STX8: variants seen among roughly 807,000 people sequenced by gnomAD.
STX8 encodes syntaxin 8, also known as syntaxin-8.
In STX8, 23 loss-of-function variants were observed where a neutral mutation model predicts 37.5. The ratio of observed to expected loss-of-function variants is 0.61; its 90% CI spans 0.44 to 0.87. The LOEUF (loss-of-function observed/expected upper bound fraction) is 0.87, where lower values mean the gene tolerates loss of function less well. Ranked by LOEUF, STX8 falls within the 40% of genes least tolerant of loss-of-function variation. The pLI is 0.00. For missense variants in STX8, 313 were observed against 284.7 expected (o/e 1.10, Z -0.71); for synonymous variants, 115 against 99.1 (o/e 1.16, Z -0.95).
intron 4 of STX8, among the ~76,000 whole-genome samples, chr17:9,544,470 T>C (rs1432598680): frequency 1.3e-5 from 2 of 151,620 alleles, no homozygotes; most frequent in African/African-American, 4.9e-5. Context: ...CCCGGACCAG[T>C]CTTATTAGGA....
chr17:9,315,027 G>A lies in STX8; in HGVS notation c.643+63525C>T, dbSNP rs184314359. Among the ~76,000 whole-genome samples the A allele has an allele frequency of 2.4e-3, 369 of 150,844 alleles. 3 individuals carry two copies. Among genetic ancestry groups the A allele is most frequent in the African/African-American group, 8.0e-3 (329 of 41,086 alleles). On this transcript the variant is annotated intron_variant, in intron 7 of 7. Transcript: ENST00000306357. ...TGAGGCAGGAGAATCGCTTGAATCC[G>A]GGAGGTGGAGTTTGCAGTCAGCCGA...
intron 4 of STX8, among the ~76,000 whole-genome samples, chr17:9,514,143 A>C (rs181016594): frequency 1.6e-4 from 25 of 152,308 alleles, no homozygotes; most frequent in African/African-American, 5.1e-4. Flanking sequence ...TTAACAATAA[A>C]GTCTCCAGTA....
At chr17:9,437,827 G>A (rs1289301293) in intron 6 of STX8, 1 of 152,158 alleles carries the variant, frequency 6.6e-6, no homozygotes, top group African/African-American at 2.4e-5. Context: ...TCTCTTAGAC[G>A]CCTCTGTTTG....
At chr17:9,530,270 C>T (rs1372031250) in intron 4 of STX8, among the ~76,000 whole-genome samples, 1 of 149,354 alleles carries the variant, frequency 6.7e-6, no homozygotes, top group Admixed American at 6.7e-5. Context: ...GAGATCGCGC[C>T]ACTGCACCCC....
chr17:9,414,320 CT>C (rs566661899), intron 6 of STX8, among the ~76,000 whole-genome samples: 43 of 145,528 alleles, frequency 3.0e-4, no homozygotes, highest in East Asian at 6.0e-4. Context: ...TGGTGCAGAA[CT>C]TTTTTTTTTT....
At chr17:9,519,228 C>A in intron 4 of STX8, among the ~76,000 whole-genome samples, 1 of 152,166 alleles carries the variant, frequency 6.6e-6, no homozygotes, top group East Asian at 1.9e-4. Context: ...ATTTAAAAAT[C>A]TCCAACTGGG....
intron 6 of STX8, among the ~76,000 whole-genome samples, chr17:9,387,714 C>T (rs572585592): frequency 1.3e-5 from 2 of 152,286 alleles, no homozygotes; most frequent in Admixed American, 6.5e-5. Flanking sequence ...CTCACGCAAC[C>T]GAATACAATC....
chr17:9,419,050 A>C (rs984812801), intron 6 of STX8, among the ~76,000 whole-genome samples: 1 of 150,874 alleles, frequency 6.6e-6, no homozygotes, highest in Non-Finnish European at 1.5e-5. Context: ...CAGCCTCCTT[A>C]GTAGCTGGGA....
intron 6 of STX8, among the ~76,000 whole-genome samples, chr17:9,440,895 C>G (rs7207091): frequency 6.6e-6 from 1 of 151,922 alleles, no homozygotes; most frequent in Non-Finnish European, 1.5e-5. Flanking sequence ...CTTGAAATGC[C>G]GGCTCCATAT....
intron 7 of STX8, among the ~76,000 whole-genome samples, chr17:9,260,351 C>T (rs901724730): frequency 1.1e-4 from 16 of 150,166 alleles, no homozygotes; most frequent in Non-Finnish European, 1.3e-4. Flanking sequence ...AGGCCGGGCG[C>T]GGTGGCTCAC....
intron 6 of STX8, among the ~76,000 whole-genome samples, chr17:9,453,407 T>C (rs1489316102): frequency 6.6e-6 from 1 of 151,994 alleles, no homozygotes; most frequent in Non-Finnish European, 1.5e-5. Flanking sequence ...ATACCTACCA[T>C]ATTCAGATCT....
At chr17:9,286,274 G>A (rs774939189) in intron 7 of STX8, among the ~76,000 whole-genome samples, 1 of 152,186 alleles carries the variant, frequency 6.6e-6, no homozygotes, top group Non-Finnish European at 1.5e-5. Context: ...AAAGAGAGTA[G>A]GAAGGGCATA....
At chr17:9,526,202 C>T (rs111475256) in intron 4 of STX8, among the ~76,000 whole-genome samples, 1 of 152,166 alleles carries the variant, frequency 6.6e-6, no homozygotes, top group Non-Finnish European at 1.5e-5. Flanking sequence ...AAACCCAGGG[C>T]AAAGGATGAG....
chr17:9,318,173 C>A (rs1352512382), intron 7 of STX8, among the ~76,000 whole-genome samples: 3 of 152,114 alleles, frequency 2.0e-5, no homozygotes, highest in African/African-American at 4.8e-5. Flanking sequence ...GCACAACGTG[C>A]AGGTATGTTA....
chr17:9,572,121 A>G (rs1907711639), intron 1 of STX8, among the ~76,000 whole-genome samples: 1 of 152,234 alleles, frequency 6.6e-6, no homozygotes, highest in African/African-American at 2.4e-5. Context: ...CAATCAGGAT[A>G]TAAAACTATT....
chr17:9,493,786 A>G (rs1254725537), intron 5 of STX8, among the ~76,000 whole-genome samples: 1 of 152,198 alleles, frequency 6.6e-6, no homozygotes, highest in African/African-American at 2.4e-5. Context: ...TTAATAATTT[A>G]CATTCAACTT....
At chr17:9,514,318 T>C (rs998941472) in intron 4 of STX8, among the ~76,000 whole-genome samples, 4 of 152,074 alleles carry the variant, frequency 2.6e-5, no homozygotes, top group African/African-American at 4.8e-5. Context: ...TAAAACAAAA[T>C]GATAGGCTGG....
chr17:9,348,652 C>T (rs947596175), intron 7 of STX8, among the ~76,000 whole-genome samples: 4 of 152,174 alleles, frequency 2.6e-5, no homozygotes, highest in Admixed American at 6.6e-5. Flanking sequence ...TTGCAAGACA[C>T]AGTCCCTGCA....
chr17:9,268,009 A>G (rs921882325), intron 7 of STX8, among the ~76,000 whole-genome samples: 2 of 152,034 alleles, frequency 1.3e-5, no homozygotes, highest in Admixed American at 1.3e-4. Flanking sequence ...AAAAAAAAAA[A>G]AAAAAGCTTA....
Sources: gnomAD v4.1 joint callset for allele counts (sites outside exome capture counted in the v4.1 genomes callset) on GRCh38, gnomAD v4.1.1 for gene constraint, MANE v1.5 for transcripts, NCBI Gene and HGNC (gene_info 2026-07-23, HGNC 2026-07-21) for gene names.